Variants in CHST9 observed in about 807,000 individuals in gnomAD.
CHST9 encodes GalNAc-4-sulfotransferase 2.
In CHST9, 41 loss-of-function variants were observed where a neutral mutation model predicts 44.4. The observed-to-expected ratio is 0.92, with a 90% CI of 0.72 to 1.20. The LOEUF (loss-of-function observed/expected upper bound fraction) is 1.20. CHST9 is among the 50% of genes most tolerant of loss of function. The pLI, the probability that CHST9 is intolerant of heterozygous loss-of-function variation, is 0.00. For synonymous variants in CHST9, 171 were observed against 178.4 expected (o/e 0.96, Z 0.33); for missense variants, 504 against 516.5 (o/e 0.98, Z 0.23).
rs761619766 is a variant in CHST9, at chr18:27,142,682, G to A, written c.121+7C>T. 4.4e-6 allele frequency: 7 copies of A among 1,582,214 alleles called. No homozygotes were observed. The African/African-American group carries it at 9.5e-5, about 22-fold the overall frequency. ...AATTAAAATAGAAGAAAAAGCACAT[G>A]TGTTACCTGTATGTTGTTCTTCAAT... is the stretch of plus-strand genomic sequence containing the variant. On this transcript the variant is annotated splice_region_variant and intron_variant, in intron 2 of 5. Transcript: ENST00000618847.
intron 4 of CHST9, among the ~76,000 whole-genome samples, chr18:27,009,473 T>C (rs2057057449): frequency 6.6e-6 from 1 of 152,230 alleles, no homozygotes; most frequent in Non-Finnish European, 1.5e-5. Context: ...CACAGATCTT[T>C]GGACTAATGG....
intron 2 of CHST9, among the ~76,000 whole-genome samples, chr18:27,053,130 G>GGAAGAAGAAGAGGAAGAAGAAGAA (rs1192075553): frequency 2.7e-4 from 19 of 71,236 alleles, no homozygotes; most frequent in East Asian, 2.3e-3. Flanking sequence ...AGGAAGAAGA[G>GGAAGAAGAAGAGGAAGAAGAAGAA]GAAGAAGAAG....
intron 4 of CHST9, among the ~76,000 whole-genome samples, chr18:27,008,821 G>A (rs921195876): frequency 6.6e-6 from 1 of 151,806 alleles, no homozygotes; most frequent in African/African-American, 2.4e-5. Flanking sequence ...CCATTCTTCT[G>A]CCATCATCAG....
intron 4 of CHST9, among the ~76,000 whole-genome samples, chr18:26,948,371 T>G (rs181779665): frequency 1.3e-5 from 2 of 152,204 alleles, no homozygotes; most frequent in African/African-American, 4.8e-5. Flanking sequence ...GTTCTGCACA[T>G]GCATCCCAGA....
chr18:26,993,110 G>A (rs1393168442), intron 4 of CHST9, among the ~76,000 whole-genome samples: 1 of 152,164 alleles, frequency 6.6e-6, no homozygotes, highest in African/African-American at 2.4e-5. Context: ...CCAATAGGAA[G>A]GAGTGGGAGG....
At chr18:27,053,464 T>A (rs2057613281) in intron 2 of CHST9, among the ~76,000 whole-genome samples, 1 of 152,114 alleles carries the variant, frequency 6.6e-6, no homozygotes, top group Admixed American at 6.5e-5. Flanking sequence ...ATCTAATCTG[T>A]CCCTCAGTCC....
chr18:27,088,028 G>A (rs1225991627), intron 2 of CHST9, among the ~76,000 whole-genome samples: 2 of 152,192 alleles, frequency 1.3e-5, no homozygotes, highest in African/African-American at 2.4e-5. Flanking sequence ...GGAATTTTTG[G>A]AGACCTATTT....
chr18:27,132,195 C>T lies in CHST9; in HGVS notation c.121+10494G>A, dbSNP rs191273630. On this transcript the variant is annotated intron_variant, in intron 2 of 5. Coordinates refer to ENST00000618847, the MANE Select transcript of CHST9 (RefSeq NM_031422.6). The stretch of plus-strand genomic sequence containing the variant: ...TCTCCTTTAGACACAAAATGATAGT[C>T]ACATAAAATTTAACATTGTAAGAGA... Among the ~76,000 whole-genome samples the T allele has an allele frequency of 2.6e-5, 4 of 152,242 alleles. No individual in the cohort carries two copies. The East Asian group carries it at 7.7e-4, about 29-fold the overall frequency.
intron 4 of CHST9, among the ~76,000 whole-genome samples, chr18:26,947,803 T>G (rs1004661477): frequency 6.6e-6 from 1 of 152,196 alleles, no homozygotes; most frequent in Non-Finnish European, 1.5e-5. Flanking sequence ...TTGGTGGGAC[T>G]GTAAATTAGT....
chr18:27,102,684 TG>T (rs2143755427), intron 2 of CHST9, among the ~76,000 whole-genome samples: 1 of 152,348 alleles, frequency 6.6e-6, no homozygotes, highest in East Asian at 1.9e-4. Context: ...TGGATGAGAT[TG>T]GGTTCCTTTG....
rs1304003512 is a variant in CHST9, at chr18:27,005,076, G to C, written c.202+19040C>G. 2.0e-5 allele frequency among the ~76,000 whole-genome samples: 3 copies of C among 152,090 alleles called. No homozygotes were observed. The South Asian group carries it at 6.2e-4, about 32-fold the overall frequency. ...GTTATGATTTCTCCTGATCACTTCT[G>C]ATATTCCTATAATTCTAGCATGAAA... On this transcript the variant is annotated intron_variant, in intron 4 of 5. Coordinates refer to ENST00000618847, the MANE Select transcript of CHST9 (RefSeq NM_031422.6).
chr18:27,084,735 G>A (rs1450301016), intron 2 of CHST9, among the ~76,000 whole-genome samples: 1 of 151,910 alleles, frequency 6.6e-6, no homozygotes, highest in African/African-American at 2.4e-5. Flanking sequence ...CACATCCCAT[G>A]TGATATTAGG....
chr18:27,184,303 C>T lies in CHST9; in HGVS notation c.-97+833G>A, dbSNP rs574570418. Among the ~76,000 whole-genome samples, 4 of 152,250 alleles carry T rather than the reference C, an allele frequency of 2.6e-5. No individual in the cohort carries two copies. The East Asian group carries it at 7.7e-4, about 29-fold the overall frequency. ...GCAGAGAGAGAGAAAGGAGGAAGGC[C>T]TGCAGCTCTAGACTTAGCACCTGTG... is the stretch of plus-strand genomic sequence containing the variant. On this transcript the variant is annotated intron_variant, in intron 1 of 5. Coordinates refer to ENST00000618847, the MANE Select transcript of CHST9 (RefSeq NM_031422.6).
chr18:26,953,417 G>GT (rs1355084445), intron 4 of CHST9, among the ~76,000 whole-genome samples: 1 of 152,092 alleles, frequency 6.6e-6, no homozygotes, highest in Non-Finnish European at 1.5e-5. Context: ...GGCAATTATG[G>GT]TTTTTTCAGC....
At chr18:27,057,924 G>A (rs983195970) in intron 2 of CHST9, among the ~76,000 whole-genome samples, 2 of 152,176 alleles carry the variant, frequency 1.3e-5, no homozygotes, top group African/African-American at 2.4e-5. Context: ...AGATCTACCC[G>A]ACAAGCACGT....
In CHST9 at chr18:27,159,507, T is replaced by C. The variant is rs565119003; in HGVS notation, c.-96-16602A>G. 5.4e-3 allele frequency among the ~76,000 whole-genome samples: 824 copies of C among 152,364 alleles called. 10 individuals are homozygous for C. Among genetic ancestry groups the C allele is most frequent in the African/African-American group, 0.019 (783 of 41,592 alleles). The stretch of plus-strand genomic sequence containing the variant: ...ACCAGTACCATGCTGTTTTGGTTAC[T>C]GTAGCCTTGTAGTATAGTTTGAAGT... On this transcript the variant is annotated intron_variant, in intron 1 of 5. Transcript: ENST00000618847.
chr18:27,122,627 A>T (rs1172065475), intron 2 of CHST9, among the ~76,000 whole-genome samples: 1 of 152,214 alleles, frequency 6.6e-6, no homozygotes, highest in Non-Finnish European at 1.5e-5. Flanking sequence ...CATTTGTCAT[A>T]CAGAACTAGC....
chr18:27,158,574 C>T (rs1214558987), intron 1 of CHST9, among the ~76,000 whole-genome samples: 7 of 151,880 alleles, frequency 4.6e-5, no homozygotes, highest in Middle Eastern at 6.8e-3. Context: ...TATGTGTGCA[C>T]GTGTCTTTAT....
chr18:27,008,997 C>T (rs751869917), intron 4 of CHST9, among the ~76,000 whole-genome samples: 5 of 151,908 alleles, frequency 3.3e-5, no homozygotes, highest in East Asian at 1.9e-4. Flanking sequence ...CTCTCACTCT[C>T]GTCCTGTGCT....
Sources: allele counts gnomAD v4.1 joint callset (sites outside exome capture counted in the v4.1 genomes callset), GRCh38; gene constraint gnomAD v4.1.1; transcripts MANE v1.5; gene names NCBI Gene and HGNC (gene_info 2026-07-23, HGNC 2026-07-21).